PALM2AKAP2: variants seen among roughly 807,000 people sequenced by gnomAD.
PALM2AKAP2 encodes the protein PALM2 and AKAP2 fusion.
PALM2AKAP2 carries 37 observed loss-of-function variants against 71.5 expected under a neutral mutation model. The ratio of observed to expected loss-of-function variants is 0.52; its 90% CI spans 0.40 to 0.68. The LOEUF is 0.68. Among genes scored for constraint, PALM2AKAP2 ranks in the 30% least tolerant of loss-of-function variants. The pLI, the probability that PALM2AKAP2 is intolerant of heterozygous loss-of-function variation, is 0.00. For synonymous variants in PALM2AKAP2, 468 were observed against 478.8 expected (o/e 0.98, Z 0.29); for missense variants, 1,224 against 1,191.8 (o/e 1.03, Z -0.40).
intron 1 of PALM2AKAP2, among the ~76,000 whole-genome samples, chr9:109,643,719 G>A (rs1827107970): frequency 6.6e-6 from 1 of 152,102 alleles, no homozygotes; most frequent in South Asian, 2.1e-4. Flanking sequence ...CTCACTTCCT[G>A]GTTAACCTTC....
At chr9:109,876,758 G>A (rs956480721) in intron 2 of PALM2AKAP2, among the ~76,000 whole-genome samples, 1 of 152,228 alleles carries the variant, frequency 6.6e-6, no homozygotes, top group African/African-American at 2.4e-5. Flanking sequence ...GGGATTACAG[G>A]CATGAGCCAC....
intron 1 of PALM2AKAP2, among the ~76,000 whole-genome samples, chr9:109,720,313 T>TA (rs200502381): frequency 3.3e-4 from 49 of 150,494 alleles, no homozygotes; most frequent in East Asian, 5.8e-4. Context: ...TTAGTTCTTG[T>TA]AAAAAAAAAA....
intron 1 of PALM2AKAP2, among the ~76,000 whole-genome samples, chr9:109,728,333 G>A (rs1828505692): frequency 6.6e-6 from 1 of 152,230 alleles, no homozygotes; most frequent in African/African-American, 2.4e-5. Flanking sequence ...CAACTGCCTT[G>A]CCTTACATCT....
chr9:109,657,452 T>TTGTGTGTGTGTGTGTGTGTGTGTG (rs3062680), intron 1 of PALM2AKAP2, among the ~76,000 whole-genome samples: 63 of 147,210 alleles, frequency 4.3e-4, no homozygotes, highest in African/African-American at 1.6e-3. Context: ...AATATGGTAT[T>TTGTGTGTGTGTGTGTGTGTGTGTG]TGTGTGTGTG....
At chr9:110,095,272 T>A (rs1053368271) in intron 1 of PALM2AKAP2, among the ~76,000 whole-genome samples, 19 of 152,296 alleles carry the variant, frequency 1.2e-4, no homozygotes, top group African/African-American at 4.6e-4. Context: ...CTGAAAACCA[T>A]GTAAACAGGG....
At chr9:109,982,857 C>T (rs1028272467) in intron 6 of PALM2AKAP2, among the ~76,000 whole-genome samples, 8 of 152,146 alleles carry the variant, frequency 5.3e-5, no homozygotes, top group African/African-American at 1.9e-4. Flanking sequence ...CTCCTGATCT[C>T]AAGTGATCCT....
intron 7 of PALM2AKAP2, among the ~76,000 whole-genome samples, chr9:110,035,371 TATACATATATTATATGTATA>T (rs1833372354): frequency 1.4e-5 from 1 of 73,870 alleles, no homozygotes; most frequent in African/African-American, 8.0e-5. Context: ...ATACATATTA[TATACATATATTATATGTATA>T]ATACATATAC....
Position 109,939,941 on chromosome 9 carries a change from C to G in PALM2AKAP2, c.496+7913C>G, listed in dbSNP as rs183213887. On this transcript the variant is annotated intron_variant, in intron 6 of 9. Coordinates refer to the PALM2AKAP2 transcript ENST00000302798. The stretch of plus-strand genomic sequence containing the variant: ...CATAATCTTTTTAGTTAAGTGTTAA[C>G]CAGGAACAGAGTGTATCTTATTATG... 4.7e-3 allele frequency among the ~76,000 whole-genome samples: 711 copies of G among 152,230 alleles called. 5 individuals are homozygous for G. Among genetic ancestry groups the G allele is most frequent in the Non-Finnish European group, 8.3e-3 (564 of 68,020 alleles).
chr9:109,641,848 G>A (rs1418962196), intron 1 of PALM2AKAP2, among the ~76,000 whole-genome samples: 1 of 152,180 alleles, frequency 6.6e-6, no homozygotes, highest in Non-Finnish European at 1.5e-5. Context: ...AACCTTAGAT[G>A]CAGCCTTTAT....
At chr9:109,759,530 T>C (rs1829018510) in intron 1 of PALM2AKAP2, among the ~76,000 whole-genome samples, 1 of 152,070 alleles carries the variant, frequency 6.6e-6, no homozygotes, top group Non-Finnish European at 1.5e-5. Flanking sequence ...TTGCAAGCAA[T>C]TTATAAACAG....
At chr9:109,696,540 A>G (rs111858117) in intron 1 of PALM2AKAP2, among the ~76,000 whole-genome samples, 16 of 152,212 alleles carry the variant, frequency 1.1e-4, no homozygotes, top group African/African-American at 3.9e-4. Flanking sequence ...TCAGAATTTT[A>G]AAGTTTATAG....
chr9:109,868,742 A>AG (rs1282629438), intron 2 of PALM2AKAP2, among the ~76,000 whole-genome samples: 1 of 152,228 alleles, frequency 6.6e-6, no homozygotes, highest in East Asian at 1.9e-4. Flanking sequence ...AAGGAAGAAA[A>AG]GCAGCATGAT....
intron 1 of PALM2AKAP2, among the ~76,000 whole-genome samples, chr9:110,089,169 C>T (rs557474856): frequency 2.4e-4 from 37 of 152,188 alleles, no homozygotes; most frequent in South Asian, 1.2e-3. Flanking sequence ...ACTGGGGAGG[C>T]GGATGGGAGA....
chr9:109,833,933 C>T (rs1403139702), intron 1 of PALM2AKAP2, among the ~76,000 whole-genome samples: 1 of 152,204 alleles, frequency 6.6e-6, no homozygotes, highest in African/African-American at 2.4e-5. Context: ...CATTTGATGG[C>T]CGGGCACAGT....
intron 3 of PALM2AKAP2, among the ~76,000 whole-genome samples, chr9:110,161,647 G>C (rs975578539): frequency 6.6e-6 from 1 of 152,072 alleles, no homozygotes; most frequent in African/African-American, 2.4e-5. Context: ...GCTGTGATTA[G>C]GATCTTCTTT....
At chr9:110,115,236 GT>G (rs1835338101) in intron 1 of PALM2AKAP2, among the ~76,000 whole-genome samples, 1 of 152,254 alleles carries the variant, frequency 6.6e-6, no homozygotes, top group South Asian at 2.1e-4. Context: ...GGCAAGAGAG[GT>G]GTGAATCCAT....
rs557390881 is a variant in PALM2AKAP2 at position 109,709,743 on chromosome 9, G to A, written c.5+68877G>A. 1.4e-3 allele frequency among the ~76,000 whole-genome samples: 210 copies of A among 152,160 alleles called. 1 individual carries two copies. Among genetic ancestry groups the A allele is most frequent in the African/African-American group, 4.8e-3 (198 of 41,498 alleles). On this transcript the variant is annotated intron_variant, in intron 1 of 6. Transcript: ENST00000374531. ...TCAGGGAATGCACCAAGGAGACCAG[G>A]GCTTCATTGGCTCACAGGTCCCTGT...
intron 1 of PALM2AKAP2, among the ~76,000 whole-genome samples, chr9:110,126,757 AC>A (rs1295170822): frequency 2.0e-4 from 31 of 152,074 alleles, no homozygotes; most frequent in Non-Finnish European, 3.2e-4. Context: ...CCCGCTGCTG[AC>A]CCCCACCACA....
chr9:110,055,015 C>T (rs933571252), intron 1 of PALM2AKAP2, among the ~76,000 whole-genome samples: 3 of 152,126 alleles, frequency 2.0e-5, no homozygotes, highest in Non-Finnish European at 2.9e-5. Context: ...CGCCCCTACC[C>T]GCCAGCTGCC....
Sources: gnomAD v4.1 joint callset for allele counts (sites outside exome capture counted in the v4.1 genomes callset) on GRCh38, gnomAD v4.1.1 for gene constraint, MANE v1.5 for transcripts, NCBI Gene and HGNC (gene_info 2026-07-23, HGNC 2026-07-21) for gene names.